BMP6: variants seen among roughly 807,000 people sequenced by gnomAD.
BMP6 encodes bone morphogenetic protein 6.
In BMP6, 17 loss-of-function variants were observed where a neutral mutation model predicts 54.1. The observed-to-expected ratio is 0.31, with a 90% CI of 0.22 to 0.47. The LOEUF is 0.47. BMP6 is among the 20% of genes least tolerant of loss of function. The pLI is 1.00. For synonymous variants in BMP6, 328 were observed against 291.2 expected (o/e 1.13, Z -1.28); for missense variants, 720 against 690.4 (o/e 1.04, Z -0.48).
chr6:7,800,119 T>A (rs1170042372), intron 1 of BMP6, among the ~76,000 whole-genome samples: 3 of 139,694 alleles, frequency 2.1e-5, no homozygotes, highest in Non-Finnish European at 1.5e-5. Flanking sequence ...TGTGTGTGTG[T>A]GTGATCTAAA....
intron 1 of BMP6, among the ~76,000 whole-genome samples, chr6:7,734,854 G>C (rs182668776): frequency 6.6e-6 from 1 of 152,206 alleles, no homozygotes; most frequent in African/African-American, 2.4e-5. Context: ...TGACTGGGTC[G>C]AAGAATCTCC....
chr6:7,844,189 G>A (rs551974453), intron 1 of BMP6, among the ~76,000 whole-genome samples: 103 of 152,224 alleles, frequency 6.8e-4, no homozygotes, highest in African/African-American at 2.4e-3. Context: ...ACATCCTCCA[G>A]GTTCATCCAT....
chr6:7,864,792 G>A (rs1055358009), intron 4 of BMP6, among the ~76,000 whole-genome samples: 4 of 152,186 alleles, frequency 2.6e-5, no homozygotes, highest in African/African-American at 9.7e-5. Context: ...GAAACAGTCA[G>A]GGTTGGGGTT....
intron 2 of BMP6, among the ~76,000 whole-genome samples, chr6:7,855,999 G>A (rs1759224851): frequency 6.6e-6 from 1 of 151,714 alleles, no homozygotes; most frequent in Admixed American, 6.6e-5. Flanking sequence ...ACAGCAAAGT[G>A]ATTTATATTG....
chr6:7,788,871 G>GTTTTT (rs10532545), intron 1 of BMP6, among the ~76,000 whole-genome samples: 41 of 140,370 alleles, frequency 2.9e-4, no homozygotes, highest in Admixed American at 1.4e-4. Flanking sequence ...TCCTATCTCT[G>GTTTTT]TTTTTTTTTT....
intron 1 of BMP6, among the ~76,000 whole-genome samples, chr6:7,835,861 G>A (rs1031259863): frequency 9.9e-5 from 15 of 151,562 alleles, no homozygotes; most frequent in African/African-American, 4.9e-5. Flanking sequence ...TTTTGAGATG[G>A]AGTCTTGCTC....
At chr6:7,814,273 A>T (rs906045051) in intron 1 of BMP6, among the ~76,000 whole-genome samples, 2 of 152,196 alleles carry the variant, frequency 1.3e-5, no homozygotes, top group Admixed American at 6.5e-5. Context: ...CAGAATCCCT[A>T]TTGCCACGTA....
intron 1 of BMP6, among the ~76,000 whole-genome samples, chr6:7,753,134 T>A (rs943384956): frequency 6.6e-6 from 1 of 152,172 alleles, no homozygotes; most frequent in Non-Finnish European, 1.5e-5. Flanking sequence ...ACATTTTAAG[T>A]AATGTTTATT....
chr6:7,858,974 C>T (rs918019890), intron 2 of BMP6, among the ~76,000 whole-genome samples: 1 of 151,930 alleles, frequency 6.6e-6, no homozygotes. Flanking sequence ...CACAGAACAA[C>T]GCAAATTCAT....
At chr6:7,871,440 A>G (rs1156977576) in intron 4 of BMP6, among the ~76,000 whole-genome samples, 4 of 152,230 alleles carry the variant, frequency 2.6e-5, no homozygotes, top group Non-Finnish European at 4.4e-5. Context: ...TGCTTATGGA[A>G]GGAATTCGTC....
At chr6:7,852,282 A>G (rs1759155630) in intron 2 of BMP6, among the ~76,000 whole-genome samples, 1 of 152,216 alleles carries the variant, frequency 6.6e-6, no homozygotes. Flanking sequence ...TTCAGCTAAA[A>G]GTCTAGGATG....
chr6:7,873,719 A>G (rs1357201022), intron 4 of BMP6, among the ~76,000 whole-genome samples: 1 of 152,114 alleles, frequency 6.6e-6, no homozygotes, highest in Non-Finnish European at 1.5e-5. Flanking sequence ...CCTCAGGAGC[A>G]TAACAAAGAC....
chr6:7,813,111 ATATATATATATAT>A lies in BMP6; in HGVS notation c.665-32028_665-32016del, dbSNP rs1758462438. Among the ~76,000 whole-genome samples, 26 of 40,212 alleles carry A rather than the reference ATATATATATATAT, an allele frequency of 6.5e-4. 3 individuals carry two copies. Among genetic ancestry groups the A allele is most frequent in the African/African-American group, 1.9e-3 (16 of 8,318 alleles). The allele number at this position is 40,212 out of a possible 152,430, so 26.4% of individuals were successfully genotyped here. On this transcript the variant is annotated intron_variant, in intron 1 of 6. Transcript: ENST00000283147. ...CAAAAAAAAAAAAAAAAAAAAAAAT[ATATATATATATAT>A]ATATATATATATATATATATATATA...
Position 7,770,493 on chromosome 6 carries a change from T to A in BMP6, c.664+42874T>A, listed in dbSNP as rs189722818. Among the ~76,000 whole-genome samples the A allele has an allele frequency of 6.6e-5, 10 of 152,276 alleles. No homozygotes were observed. The East Asian group carries it at 1.7e-3, about 26-fold the overall frequency. On this transcript the variant is annotated intron_variant, in intron 1 of 6. Coordinates refer to ENST00000283147, the MANE Select transcript of BMP6 (RefSeq NM_001718.6). ...TTTTCACGATTTGTCTTCATCTGAG[T>A]CCTGGACATAGGTTGGGACTGGAAC...
intron 4 of BMP6, among the ~76,000 whole-genome samples, chr6:7,864,822 G>A (rs537532279): frequency 1.1e-3 from 172 of 152,314 alleles, no homozygotes; most frequent in African/African-American, 4.0e-3. Flanking sequence ...GAGAAGAAAT[G>A]CTTGCTTTCC....
At chr6:7,826,717 C>T (rs908105057) in intron 1 of BMP6, among the ~76,000 whole-genome samples, 3 of 152,198 alleles carry the variant, frequency 2.0e-5, no homozygotes, top group Admixed American at 6.5e-5. Flanking sequence ...AAAGGCAGAG[C>T]AAAGCGTCTG....
chr6:7,763,244 G>A (rs918890101), intron 1 of BMP6, among the ~76,000 whole-genome samples: 3 of 152,192 alleles, frequency 2.0e-5, no homozygotes, highest in Non-Finnish European at 4.4e-5. Context: ...GTATGGAAGA[G>A]AACTCAAAGA....
At chr6:7,880,126 G>T (rs766004146) in intron 6 of BMP6, 25 bp downstream of exon 6, 8 of 1,613,880 alleles carry the variant, frequency 5.0e-6, no homozygotes, top group Non-Finnish European at 1.7e-6. Context: ...ACTTTGTTTT[G>T]TAAGTGGGAG....
intron 2 of BMP6, among the ~76,000 whole-genome samples, chr6:7,846,099 A>C (rs1248847312): frequency 1.3e-5 from 2 of 152,214 alleles, no homozygotes; most frequent in Non-Finnish European, 2.9e-5. Flanking sequence ...GCCTTTATGC[A>C]TAGTAGAATA....
Sources: gnomAD v4.1 joint callset for allele counts (sites outside exome capture counted in the v4.1 genomes callset) on GRCh38, gnomAD v4.1.1 for gene constraint, MANE v1.5 for transcripts, NCBI Gene and HGNC (gene_info 2026-07-23, HGNC 2026-07-21) for gene names.